The following NELL1 variants were observed in gnomAD, a reference collection of about 807,000 sequenced individuals.
NELL1 encodes neural EGFL like 1, also known as protein kinase C-binding protein NELL1.
In NELL1, 76 loss-of-function variants were observed where a neutral mutation model predicts 107.4. The observed-to-expected ratio is 0.71, with a 90% CI of 0.59 to 0.86. The LOEUF is 0.86. Among genes scored for constraint, NELL1 ranks in the 40% least tolerant of loss-of-function variants. The pLI is 0.00. For synonymous variants in NELL1, 353 were observed against 341.2 expected (o/e 1.03, Z -0.38); for missense variants, 1,024 against 1,005.5 (o/e 1.02, Z -0.25).
chr11:21,003,089 T>C (rs896513082), intron 12 of NELL1, among the ~76,000 whole-genome samples: 1 of 152,212 alleles, frequency 6.6e-6, no homozygotes, highest in Non-Finnish European at 1.5e-5. Context: ...GAATAAGCAT[T>C]TTCTATTGAA....
chr11:20,698,011 T>C (rs1169079603), intron 2 of NELL1, among the ~76,000 whole-genome samples: 1 of 152,186 alleles, frequency 6.6e-6, no homozygotes, highest in Non-Finnish European at 1.5e-5. Context: ...CAAGTCTGAA[T>C]TGTTTTTTCT....
intron 4 of NELL1, among the ~76,000 whole-genome samples, chr11:20,855,825 A>G (rs1339537162): frequency 6.6e-6 from 1 of 152,192 alleles, no homozygotes; most frequent in African/African-American, 2.4e-5. Context: ...GTTGGAAAAG[A>G]TCATTGGGGA....
At chr11:21,201,733 T>G (rs1312252784) in intron 13 of NELL1, among the ~76,000 whole-genome samples, 1 of 152,234 alleles carries the variant, frequency 6.6e-6, no homozygotes. Flanking sequence ...TTCCAGCTTT[T>G]GCCCATTCAG....
At chr11:21,061,109 A>G (rs1028627684) in intron 12 of NELL1, among the ~76,000 whole-genome samples, 6 of 152,186 alleles carry the variant, frequency 3.9e-5, no homozygotes, top group Non-Finnish European at 8.8e-5. Flanking sequence ...CTGCTGGTAG[A>G]AGTGTTAGTT....
At chr11:21,082,108 A>G (rs751690906) in intron 12 of NELL1, among the ~76,000 whole-genome samples, 6 of 152,082 alleles carry the variant, frequency 3.9e-5, no homozygotes, top group Non-Finnish European at 5.9e-5. Context: ...TTACAGCTGA[A>G]TTCTTTACAA....
rs977220196 is a variant in NELL1 at position 20,678,145 on chromosome 11, T to C, written c.184+85T>C. 3.4e-6 allele frequency: 5 copies of C among 1,487,636 alleles called. 1 individual carries two copies. The Middle Eastern group carries it at 8.4e-4, about 250-fold the overall frequency. 92.2% of individuals were successfully genotyped at this position (1,487,636 alleles called of 1,614,324 possible). ...AGTGCTCATTTGTTGTGTGTTTGTC[T>C]GGAGATCGCCTTTGCTATTTCTCTT... is the stretch of plus-strand genomic sequence containing the variant. On this transcript the variant is annotated intron_variant, in intron 2 of 19. Transcript: ENST00000357134.
rs533473140 is a variant in NELL1, at chr11:21,169,806, A to G, written c.1426+56092A>G. The G allele has an allele frequency of 3.9e-5, 54 of 1,388,548 alleles. No homozygotes were observed. The African/African-American group carries it at 4.6e-4, about 12-fold the overall frequency. The allele number at this position is 1,388,548 out of a possible 1,614,324, so 86.0% of individuals were successfully genotyped here. A position where few individuals can be genotyped will look rare whatever the true frequency, so the allele number is the denominator to read the frequency against. On this transcript the variant is annotated intron_variant, in intron 13 of 19. Transcript: ENST00000357134. ...CTGCCGGGCACCCGGAGAGTGGGAC[A>G]GAATCAGCCTGCTGAGCCCGATGCA...
At chr11:20,676,223 A>C (rs2467091) in intron 1 of NELL1, among the ~76,000 whole-genome samples, 151,510 of 151,536 alleles carry the variant, frequency 1, 75,742 homozygotes, top group Middle Eastern at 1. Flanking sequence ...CTTGAAAGAA[A>C]CTTTTCAACC....
chr11:20,733,756 A>G (rs1855699136), intron 2 of NELL1, among the ~76,000 whole-genome samples: 1 of 152,216 alleles, frequency 6.6e-6, no homozygotes, highest in Non-Finnish European at 1.5e-5. Context: ...TGTTGAATAG[A>G]GACAAAGGCC....
chr11:21,251,550 C>T lies in NELL1; in HGVS notation c.1549+22096C>T, dbSNP rs146251198. Among the ~76,000 whole-genome samples, 11 of 152,054 alleles carry T rather than the reference C, an allele frequency of 7.2e-5. No homozygotes were observed. In the South Asian group the frequency reaches 1.0e-3, roughly 14 times the overall value. ...TCTCTCCCAGCCCCCCACCTCCACCCGCCATCAACAGCAAGTGCAGACCAC... is the reference window on the plus strand; with the variant it reads ...TCTCTCCCAGCCCCCCACCTCCACCTGCCATCAACAGCAAGTGCAGACCAC... On this transcript the variant is annotated intron_variant, in intron 14 of 19. Coordinates refer to ENST00000357134, the MANE Select transcript of NELL1 (RefSeq NM_006157.5).
intron 2 of NELL1, among the ~76,000 whole-genome samples, chr11:20,693,231 T>C (rs1590209865): frequency 1.3e-5 from 2 of 152,124 alleles, no homozygotes; most frequent in East Asian, 3.9e-4. Flanking sequence ...GGGTCTTGAC[T>C]CTTTATCCAA....
At chr11:20,948,237 G>T (rs1304477560) in intron 11 of NELL1, among the ~76,000 whole-genome samples, 1 of 151,258 alleles carries the variant, frequency 6.6e-6, no homozygotes, top group Non-Finnish European at 1.5e-5. Flanking sequence ...TTTTTTTTTA[G>T]AGACTGGGTC....
chr11:20,986,565 G>C (rs923358054), intron 12 of NELL1, among the ~76,000 whole-genome samples: 1 of 152,106 alleles, frequency 6.6e-6, no homozygotes, highest in East Asian at 1.9e-4. Flanking sequence ...CCAGGTGCCT[G>C]GGCCCCACCC....
chr11:21,392,109 C>G (rs1175346300), intron 15 of NELL1, among the ~76,000 whole-genome samples: 2 of 151,776 alleles, frequency 1.3e-5, no homozygotes, highest in Admixed American at 6.6e-5. Context: ...ATTAATACCC[C>G]TGTCTCAGTA....
intron 15 of NELL1, among the ~76,000 whole-genome samples, chr11:21,425,541 C>G (rs2133827243): frequency 1.3e-5 from 2 of 152,138 alleles, no homozygotes; most frequent in South Asian, 4.2e-4. Flanking sequence ...AACACAGAAG[C>G]AAAGGTCTGA....
chr11:21,564,381 A>G (rs868851429), intron 17 of NELL1, among the ~76,000 whole-genome samples: 1 of 152,062 alleles, frequency 6.6e-6, no homozygotes, highest in African/African-American at 2.4e-5. Context: ...TCTGGGCAAA[A>G]AAAAGCTCCT....
chr11:21,141,224 A>G lies in NELL1; in HGVS notation c.1426+27510A>G, dbSNP rs78632731. Reference sequence around the variant, plus strand: ...AATCAAATTTGAGATCTCAAGTGCAAAAGAAATAGAATATTAAAAGAAAGA... The same window carrying G: ...AATCAAATTTGAGATCTCAAGTGCAGAAGAAATAGAATATTAAAAGAAAGA... On this transcript the variant is annotated intron_variant, in intron 13 of 19. Transcript: ENST00000357134. Among the ~76,000 whole-genome samples, 721 of 152,322 alleles carry G rather than the reference A, an allele frequency of 4.7e-3. 5 individuals are homozygous for G. Among genetic ancestry groups the G allele is most frequent in the African/African-American group, 0.017 (690 of 41,572 alleles).
intron 2 of NELL1, among the ~76,000 whole-genome samples, chr11:20,770,113 T>C (rs1856611567): frequency 6.6e-6 from 1 of 152,196 alleles, no homozygotes. Flanking sequence ...AAATTGACAT[T>C]TTCATTTCTT....
chr11:20,830,416 G>T (rs894663989), intron 3 of NELL1, among the ~76,000 whole-genome samples: 1 of 150,624 alleles, frequency 6.6e-6, no homozygotes, highest in Non-Finnish European at 1.5e-5. Context: ...TCTCTCTTCT[G>T]CCCTCTGCCT....
Sources: gnomAD v4.1 joint callset for allele counts (sites outside exome capture counted in the v4.1 genomes callset) on GRCh38, gnomAD v4.1.1 for gene constraint, MANE v1.5 for transcripts, NCBI Gene and HGNC (gene_info 2026-07-23, HGNC 2026-07-21) for gene names.